NLK: variants seen among roughly 807,000 people sequenced by gnomAD.
NLK encodes serine/threonine-protein kinase NLK.
NLK carries 11 observed loss-of-function variants against 59.0 expected under a neutral mutation model. The ratio of observed to expected loss-of-function variants is 0.19; its 90% CI spans 0.12 to 0.31. The LOEUF is 0.31. Ranked by LOEUF, NLK falls within the 10% of genes least tolerant of loss-of-function variation. The pLI is 1.00. For missense variants in NLK, 410 were observed against 661.1 expected (o/e 0.62, Z 4.16); for synonymous variants, 235 against 235.9 (o/e 1.00, Z 0.03).
chr17:28,100,280 C>CT (rs990637102), intron 1 of NLK, among the ~76,000 whole-genome samples: 4 of 152,184 alleles, frequency 2.6e-5, no homozygotes, highest in Admixed American at 6.5e-5. Flanking sequence ...TGTCTGTACA[C>CT]TTTGCATTCA....
At chr17:28,057,339 T>C (rs1311414612) in intron 1 of NLK, among the ~76,000 whole-genome samples, 1 of 152,208 alleles carries the variant, frequency 6.6e-6, no homozygotes, top group Non-Finnish European at 1.5e-5. Flanking sequence ...GTTAAGAAAT[T>C]TGTGGTCACT....
Position 28,163,648 on chromosome 17 carries a change from A to C in NLK, c.837+20A>C. ...CTAAAGGTAGCTTTTCAGTTTATTT[A>C]AATACCTGGGAAAAATCAGAATGTC... On this transcript the variant is annotated intron_variant, in intron 5 of 10. Transcript: ENST00000407008. 7.1e-7 allele frequency: 1 copy of C among 1,417,652 alleles called. No homozygotes were observed. The highest frequency in any genetic ancestry group is 9.9e-7 in the Non-Finnish European group (1 of 1,012,374). 87.8% of individuals were successfully genotyped at this position (1,417,652 alleles called of 1,614,324 possible).
intron 3 of NLK, among the ~76,000 whole-genome samples, chr17:28,145,090 A>T (rs1462419202): frequency 6.6e-6 from 1 of 152,204 alleles, no homozygotes; most frequent in Non-Finnish European, 1.5e-5. Flanking sequence ...TAAAAATTAC[A>T]CGTTTAATTG....
chr17:28,062,674 G>A (rs1182175835), intron 1 of NLK, among the ~76,000 whole-genome samples: 6 of 152,040 alleles, frequency 3.9e-5, no homozygotes, highest in African/African-American at 4.8e-5. Flanking sequence ...TCTGCCTCCC[G>A]GGTTCAAGCG....
intron 7 of NLK, among the ~76,000 whole-genome samples, chr17:28,177,191 C>G (rs941259352): frequency 6.6e-6 from 1 of 151,946 alleles, no homozygotes; most frequent in Non-Finnish European, 1.5e-5. Context: ...GAAGGAGAGG[C>G]AGGCACACTC....
At chr17:28,167,489 C>G (rs1470404090) in intron 5 of NLK, among the ~76,000 whole-genome samples, 3 of 151,878 alleles carry the variant, frequency 2.0e-5, no homozygotes, top group Non-Finnish European at 4.4e-5. Context: ...GCAGTCCTCT[C>G]AATCCCTGGG....
chr17:28,061,515 A>G (rs1909634856), intron 1 of NLK, among the ~76,000 whole-genome samples: 1 of 152,154 alleles, frequency 6.6e-6, no homozygotes, highest in Non-Finnish European at 1.5e-5. Context: ...ACTTCATGGT[A>G]TCTGGATGTC....
At position 28,168,537 on chromosome 17, in the gene NLK, A is replaced by C. The variant is rs1188942552; in HGVS notation, c.927A>C (p.Pro309=). The change falls in exon 6 of 11, where the codon CCA becomes CCC. Residue 309 remains proline (P), a synonymous_variant. Transcript: ENST00000407008. Reference sequence around the variant, plus strand: ...TTGTTACTCAGTATTATCGGGCTCCAGAAATCCTGATGGGCAGCCGTCATT... The same window carrying C: ...TTGTTACTCAGTATTATCGGGCTCCCGAAATCCTGATGGGCAGCCGTCATT... ...QEVVTQYYRA[P]EILMGSRHYS... The C allele has an allele frequency of 4.3e-6, 7 of 1,613,588 alleles. No homozygotes were observed. Among genetic ancestry groups the C allele is most frequent in the Non-Finnish European group, 5.1e-6 (6 of 1,179,608 alleles).
At chr17:28,060,520 C>T (rs1909594639) in intron 1 of NLK, among the ~76,000 whole-genome samples, 1 of 152,132 alleles carries the variant, frequency 6.6e-6, no homozygotes, top group South Asian at 2.1e-4. Context: ...GATCCTCCTG[C>T]CTCCGTCTTC....
intron 1 of NLK, among the ~76,000 whole-genome samples, chr17:28,102,069 A>G (rs185551155): frequency 2.6e-4 from 40 of 152,278 alleles, no homozygotes; most frequent in African/African-American, 9.1e-4. Context: ...TTCTTTGTCC[A>G]TTATGATAGC....
chr17:28,133,674 CA>C (rs1906613953), intron 3 of NLK, among the ~76,000 whole-genome samples: 1 of 152,106 alleles, frequency 6.6e-6, no homozygotes, highest in Admixed American at 6.5e-5. Flanking sequence ...AAATAAAAGA[CA>C]GGAAATCCTA....
chr17:28,179,076 GTCC>G (rs1187581233), intron 7 of NLK, among the ~76,000 whole-genome samples: 1 of 152,058 alleles, frequency 6.6e-6, no homozygotes, highest in African/African-American at 2.4e-5. Context: ...ACCCCTTCCT[GTCC>G]TCATGATTCA....
intron 1 of NLK, among the ~76,000 whole-genome samples, chr17:28,051,547 C>T (rs562295129): frequency 3.3e-5 from 5 of 151,820 alleles, no homozygotes; most frequent in South Asian, 4.2e-4. Context: ...TTAGTAGAGA[C>T]GGGGTTTCAC....
chr17:28,200,407 GGAA>G (rs1309876675), downstream of NLK, among the ~76,000 whole-genome samples: 7 of 152,136 alleles, frequency 4.6e-5, no homozygotes, highest in African/African-American at 1.7e-4. Context: ...GTTGGCTCTA[GGAA>G]TCTATACATG....
At chr17:28,200,839 T>C (rs145140671), downstream of NLK, among the ~76,000 whole-genome samples, 796 of 152,270 alleles carry the variant, frequency 5.2e-3, 12 homozygotes, top group African/African-American at 0.018. Context: ...AACATGCACA[T>C]CCGTTTTAAC....
chr17:28,177,199 C>T (rs1908717647), intron 7 of NLK, among the ~76,000 whole-genome samples: 1 of 152,040 alleles, frequency 6.6e-6, no homozygotes, highest in Non-Finnish European at 1.5e-5. Flanking sequence ...GGCAGGCACA[C>T]TCAATATAAT....
chr17:28,050,159 T>C (rs1909197683), intron 1 of NLK, among the ~76,000 whole-genome samples: 1 of 152,190 alleles, frequency 6.6e-6, no homozygotes, highest in South Asian at 2.1e-4. Flanking sequence ...AGATAGTCCC[T>C]GGACATTAAG....
intron 6 of NLK, among the ~76,000 whole-genome samples, chr17:28,170,357 AAAT>A (rs1450613523): frequency 6.6e-6 from 1 of 152,244 alleles, no homozygotes; most frequent in African/African-American, 2.4e-5. Context: ...GTGTCTTTGT[AAAT>A]AATTAATGCA....
chr17:28,111,090 C>T (rs1043517530), intron 1 of NLK, among the ~76,000 whole-genome samples: 4 of 152,258 alleles, frequency 2.6e-5, no homozygotes, highest in East Asian at 1.9e-4. Context: ...GTGATCCGCC[C>T]GCTCCTTTAA....
Sources: gnomAD v4.1 joint callset for allele counts (sites outside exome capture counted in the v4.1 genomes callset) on GRCh38, gnomAD v4.1.1 for gene constraint, MANE v1.5 for transcripts, NCBI Gene and HGNC (gene_info 2026-07-23, HGNC 2026-07-21) for gene names.